Variants in FAM219A observed in about 807,000 individuals in gnomAD.
The protein encoded by FAM219A is family with sequence similarity 219 member A.
FAM219A carries 7 observed loss-of-function variants against 23.4 expected under a neutral mutation model. That is an observed-to-expected ratio of 0.30 (90% CI 0.17 to 0.56). FAM219A has a LOEUF of 0.56. Among genes scored for constraint, FAM219A ranks in the 20% least tolerant of loss-of-function variants. The pLI is 0.92. For missense variants in FAM219A, 166 were observed against 246.9 expected, an observed-to-expected ratio of 0.67 and a Z score of 2.20; for synonymous variants, 93 against 99.0, an observed-to-expected ratio of 0.94 and a Z score of 0.36.
At chr9:34,439,857 T>C (rs1040669978) in intron 1 of FAM219A, among the ~76,000 whole-genome samples, 1 of 152,048 alleles carries the variant, frequency 6.6e-6, no homozygotes, top group African/African-American at 2.4e-5. Flanking sequence ...TAAGAACGAG[T>C]GGAAGCCGTT....
intron 1 of FAM219A, among the ~76,000 whole-genome samples, chr9:34,409,584 A>G (rs2131938422): frequency 6.6e-6 from 1 of 152,370 alleles, no homozygotes; most frequent in South Asian, 2.1e-4. Flanking sequence ...TTCTCTGAAG[A>G]CTACAGAGAT....
intron 1 of FAM219A, among the ~76,000 whole-genome samples, chr9:34,433,528 C>T (rs955777618): frequency 2.6e-5 from 4 of 152,220 alleles, no homozygotes; most frequent in Non-Finnish European, 5.9e-5. Flanking sequence ...GAGAATTAAA[C>T]ACTGCTCTTA....
intron 1 of FAM219A, among the ~76,000 whole-genome samples, chr9:34,452,855 A>G (rs1402262942): frequency 1.3e-5 from 2 of 151,974 alleles, no homozygotes; most frequent in Admixed American, 6.5e-5. Flanking sequence ...TCCTGCTTTC[A>G]TTTGGTGCTC....
intron 1 of FAM219A, among the ~76,000 whole-genome samples, chr9:34,426,482 C>CT (rs1252095947): frequency 6.6e-6 from 1 of 152,228 alleles, no homozygotes; most frequent in Non-Finnish European, 1.5e-5. Flanking sequence ...CCAGCTCTAG[C>CT]TAGCTGCAAA....
chr9:34,433,977 C>T (rs1027773714), intron 1 of FAM219A, among the ~76,000 whole-genome samples: 15 of 151,872 alleles, frequency 9.9e-5, no homozygotes, highest in East Asian at 5.8e-4. Context: ...CCGAGGCGGG[C>T]GGATCACAAG....
chr9:34,421,323 T>C (rs915833059), intron 1 of FAM219A, among the ~76,000 whole-genome samples: 2 of 152,070 alleles, frequency 1.3e-5, no homozygotes, highest in Non-Finnish European at 2.9e-5. Context: ...GGGGAGATTG[T>C]AGAGTAACAC....
chr9:34,407,602 T>C (rs948703584), intron 1 of FAM219A, among the ~76,000 whole-genome samples: 5 of 152,212 alleles, frequency 3.3e-5, no homozygotes, highest in Non-Finnish European at 7.3e-5. Flanking sequence ...AGAACATGAT[T>C]TGGGCTTGGA....
intron 1 of FAM219A, among the ~76,000 whole-genome samples, chr9:34,450,766 G>T (rs1392652191): frequency 1.3e-5 from 2 of 152,156 alleles, no homozygotes; most frequent in Non-Finnish European, 2.9e-5. Flanking sequence ...CGATAGATGG[G>T]ATGTACTCTG....
chr9:34,440,375 T>C (rs1474014136), intron 1 of FAM219A, among the ~76,000 whole-genome samples: 2 of 152,144 alleles, frequency 1.3e-5, no homozygotes, highest in Non-Finnish European at 2.9e-5. Context: ...TTCTGTGTGC[T>C]TCTCTGGTGA....
At chr9:34,441,089 A>G (rs568773091) in intron 1 of FAM219A, among the ~76,000 whole-genome samples, 47 of 152,246 alleles carry the variant, frequency 3.1e-4, no homozygotes, top group Non-Finnish European at 6.2e-4. Flanking sequence ...GAGTTCTAGA[A>G]TTGCCTGCCC....
chr9:34,410,980 T>A (rs2039670), intron 1 of FAM219A, among the ~76,000 whole-genome samples: 1 of 152,266 alleles, frequency 6.6e-6, no homozygotes, highest in East Asian at 1.9e-4. Flanking sequence ...TAGCACTATA[T>A]CCATGTTAAC....
rs530964195 is a variant in FAM219A, at chr9:34,401,193, C to G, written c.400-71G>C. On this transcript the variant is annotated intron_variant, in intron 5 of 5. Coordinates refer to ENST00000651358, the MANE Select transcript of FAM219A (RefSeq NM_001184940.2). Reference sequence around the variant, plus strand: ...ACCACCCACAGCTCTGCGGCCACTCCAGGCCGTCTGCGCCCCAGTCCAGCC... The same window carrying G: ...ACCACCCACAGCTCTGCGGCCACTCGAGGCCGTCTGCGCCCCAGTCCAGCC... 5 of 1,556,712 alleles carry G rather than the reference C, an allele frequency of 3.2e-6. No homozygotes were observed. In the East Asian group the frequency reaches 6.8e-5, roughly 21 times the overall value.
At chr9:34,446,508 A>G (rs1179562398) in intron 1 of FAM219A, among the ~76,000 whole-genome samples, 1 of 152,234 alleles carries the variant, frequency 6.6e-6, no homozygotes, top group Non-Finnish European at 1.5e-5. Context: ...CTACTTTGGA[A>G]GGACTAGGAC....
intron 1 of FAM219A, among the ~76,000 whole-genome samples, chr9:34,442,968 A>C (rs555357885): frequency 5.9e-5 from 9 of 152,164 alleles, no homozygotes; most frequent in Non-Finnish European, 1.3e-4. Flanking sequence ...TCAAACATTA[A>C]ATTAAATCGA....
chr9:34,440,078 A>G lies in FAM219A; in HGVS notation c.60+18126T>C, dbSNP rs80101997. ...CATAGCCTCAGGAAGAACTAGACATAAGGAGGAGTGTGGGCAGGGTATCCA... is the reference window on the plus strand; with the variant it reads ...CATAGCCTCAGGAAGAACTAGACATGAGGAGGAGTGTGGGCAGGGTATCCA... On this transcript the variant is annotated intron_variant, in intron 1 of 5. Coordinates refer to ENST00000651358, the MANE Select transcript of FAM219A (RefSeq NM_001184940.2). Among the ~76,000 whole-genome samples the G allele has an allele frequency of 3.3e-3, 505 of 152,320 alleles. 19 individuals carry two copies. The East Asian group carries it at 0.086, about 26-fold the overall frequency.
intron 1 of FAM219A, among the ~76,000 whole-genome samples, chr9:34,438,994 A>G (rs1002546871): frequency 2.6e-5 from 4 of 151,450 alleles, no homozygotes; most frequent in African/African-American, 9.7e-5. Context: ...CACTCCTGAA[A>G]CCAGCGAGAC....
chr9:34,406,086 G>A (rs991573435), intron 1 of FAM219A, 122 bp from the exon 2 acceptor site: 2 of 1,044,260 alleles, frequency 1.9e-6, no homozygotes, highest in South Asian at 1.6e-5. Flanking sequence ...ACCCCTCAGA[G>A]CAGGCAGGGC....
At chr9:34,418,668 A>G (rs375195667) in intron 1 of FAM219A, among the ~76,000 whole-genome samples, 7 of 152,328 alleles carry the variant, frequency 4.6e-5, no homozygotes, top group Non-Finnish European at 8.8e-5. Context: ...AAGGTCTTTG[A>G]ACCCCACATC....
At chr9:34,415,373 G>A (rs902563797) in intron 1 of FAM219A, among the ~76,000 whole-genome samples, 5 of 152,146 alleles carry the variant, frequency 3.3e-5, no homozygotes, top group Admixed American at 6.5e-5. Context: ...AGTAAGCACC[G>A]CCAAGCCTTA....
Sources: allele counts gnomAD v4.1 joint callset (sites outside exome capture counted in the v4.1 genomes callset), GRCh38; gene constraint gnomAD v4.1.1; transcripts MANE v1.5; gene names NCBI Gene and HGNC (gene_info 2026-07-23, HGNC 2026-07-21).